Variants in PCDHA1 observed in about 807,000 individuals in gnomAD.
PCDHA1 encodes the protein protocadherin alpha 1.
PCDHA1 carries 42 observed loss-of-function variants against 61.3 expected under a neutral mutation model. The ratio of observed to expected loss-of-function variants is 0.69; its 90% CI spans 0.54 to 0.89. The LOEUF (loss-of-function observed/expected upper bound fraction) is 0.89, where lower values mean the gene tolerates loss of function less well. Ranked by LOEUF, PCDHA1 falls within the 40% of genes least tolerant of loss-of-function variation. The probability of loss-of-function intolerance (pLI) is 0.00; values close to 1 mark genes in which losing one functional copy is unlikely to be tolerated. For missense variants in PCDHA1, 1,256 were observed against 1,235.3 expected, an observed-to-expected ratio of 1.02 and a Z score of -0.25; for synonymous variants, 610 against 553.8, an observed-to-expected ratio of 1.10 and a Z score of -1.43.
rs529585383 is a variant in PCDHA1 at position 140,982,571 on chromosome 5, G to T, written c.2542+8G>T. 243 of 1,613,888 alleles carry T rather than the reference G, an allele frequency of 1.5e-4. 4 individuals carry two copies. The South Asian group carries it at 2.5e-3, about 17-fold the overall frequency. ...TATCCAGTGCAACACCAGGTAAAGAGCTGGGGTCTCTCCATTCTTTCTTGG... is the reference window on the plus strand; with the variant it reads ...TATCCAGTGCAACACCAGGTAAAGATCTGGGGTCTCTCCATTCTTTCTTGG... On this transcript the variant is annotated splice_region_variant and intron_variant, in intron 3 of 3. Transcript: ENST00000504120.
chr5:140,793,787 G>T (rs559090365), intron 1 of PCDHA1, among the ~76,000 whole-genome samples: 8 of 152,140 alleles, frequency 5.3e-5, no homozygotes, highest in Non-Finnish European at 8.8e-5. Context: ...GAGATCGATT[G>T]TATTGTTCTT....
At chr5:140,996,884 A>T (rs1411027110) in intron 3 of PCDHA1, among the ~76,000 whole-genome samples, 1 of 152,186 alleles carries the variant, frequency 6.6e-6, no homozygotes, top group African/African-American at 2.4e-5. Flanking sequence ...TGTATTTTTA[A>T]ATAAAATAGA....
At chr5:140,875,685 C>G (rs563250653) in intron 1 of PCDHA1, 1 of 1,613,816 alleles carries the variant, frequency 6.2e-7, no homozygotes. Context: ...CCAAAAGACA[C>G]GGGGACCTTC....
chr5:140,973,329 G>A (rs1303671094), intron 1 of PCDHA1, among the ~76,000 whole-genome samples: 6 of 152,112 alleles, frequency 3.9e-5, no homozygotes, highest in Non-Finnish European at 7.3e-5. Flanking sequence ...GTTTACACTC[G>A]TTGTAAAGTG....
intron 1 of PCDHA1, chr5:140,929,687 C>T (rs2086294433): frequency 3.5e-6 from 1 of 288,138 alleles, no homozygotes; most frequent in African/African-American, 2.2e-5. Flanking sequence ...ATGTAAGAGT[C>T]TGCTTTATAT....
chr5:140,884,702 T>C (rs1362804646), intron 1 of PCDHA1: 7 of 1,495,380 alleles, frequency 4.7e-6, no homozygotes, highest in East Asian at 4.7e-5. Context: ...GTAAACACTT[T>C]AGCCTTCCTT....
intron 1 of PCDHA1, among the ~76,000 whole-genome samples, chr5:140,938,751 C>A (rs943916265): frequency 6.6e-6 from 1 of 151,978 alleles, no homozygotes; most frequent in Non-Finnish European, 1.5e-5. Flanking sequence ...TTTTTAAAGG[C>A]ATAGTTATTG....
intron 1 of PCDHA1, chr5:140,853,345 C>G: frequency 4.1e-6 from 4 of 982,282 alleles, no homozygotes; most frequent in Middle Eastern, 5.3e-4. Flanking sequence ...CATTAGCAAA[C>G]ATGAACTCAC....
chr5:140,867,395 T>C (rs1319055963), intron 1 of PCDHA1: 1 of 152,176 alleles, frequency 6.6e-6, no homozygotes, highest in Admixed American at 6.5e-5. Context: ...TTATAAAAGT[T>C]GATATGTCTC....
At chr5:140,855,129 T>A (rs1294464792) in intron 1 of PCDHA1, among the ~76,000 whole-genome samples, 1 of 149,788 alleles carries the variant, frequency 6.7e-6, no homozygotes, top group African/African-American at 2.4e-5. Context: ...TAGGTAATAA[T>A]TTTGCCTGAT....
chr5:140,877,501 A>G lies in PCDHA1; in HGVS notation c.2394+88817A>G, dbSNP rs2057165784. On this transcript the variant is annotated intron_variant, in intron 1 of 3. Coordinates refer to ENST00000504120, the MANE Select transcript of PCDHA1 (RefSeq NM_018900.4). ...GCTGGTGGAGAACGGCCAGGCCCCA[A>G]AGACGTCGTCGCGGGCCTCAGTGGG... 3.1e-6 allele frequency: 5 copies of G among 1,613,804 alleles called. No homozygotes were observed. In the East Asian group the frequency reaches 1.1e-4, roughly 36 times the overall value.
intron 1 of PCDHA1, among the ~76,000 whole-genome samples, chr5:140,886,288 A>T (rs1227734409): frequency 6.6e-6 from 1 of 151,870 alleles, no homozygotes; most frequent in Non-Finnish European, 1.5e-5. Flanking sequence ...AATTATTTTT[A>T]TATTTATTTA....
chr5:140,867,218 C>T (rs1306358108), intron 1 of PCDHA1: 1 of 152,104 alleles, frequency 6.6e-6, no homozygotes, highest in Non-Finnish European at 1.5e-5. Context: ...TCTTCATCCC[C>T]AATTCCCATA....
At chr5:140,862,566 T>C (rs1440139064) in intron 1 of PCDHA1, 1 of 478,068 alleles carries the variant, frequency 2.1e-6, no homozygotes, top group Non-Finnish European at 4.3e-6. Context: ...TGAACCACAA[T>C]GCCCTGGCGT....
intron 1 of PCDHA1, chr5:140,870,676 G>T: frequency 6.2e-7 from 1 of 1,612,702 alleles, no homozygotes. Flanking sequence ...GTTGGACCAC[G>T]AGGAGCTGGA....
chr5:140,807,729 A>C (rs1554124228), intron 1 of PCDHA1: 7 of 1,614,208 alleles, frequency 4.3e-6, no homozygotes, highest in Non-Finnish European at 5.9e-6. Context: ...TTTTCTCTGG[A>C]AAAACCACCT....
chr5:140,850,493 G>T, intron 1 of PCDHA1: 4 of 1,598,102 alleles, frequency 2.5e-6, no homozygotes, highest in African/African-American at 1.3e-5. Flanking sequence ...CCACTGTGCT[G>T]GTGTCGCTGG....
intron 1 of PCDHA1, among the ~76,000 whole-genome samples, chr5:140,887,136 G>A (rs1460345753): frequency 2.2e-4 from 33 of 148,834 alleles, no homozygotes; most frequent in Middle Eastern, 3.2e-3. Context: ...TCACTCTGTC[G>A]CCCAGGCTGG....
chr5:140,885,945 TA>T (rs2060787135), intron 1 of PCDHA1, among the ~76,000 whole-genome samples: 1 of 152,206 alleles, frequency 6.6e-6, no homozygotes, highest in Non-Finnish European at 1.5e-5. Flanking sequence ...TTGACATTTT[TA>T]ATTAAAATTT....
Sources: allele counts gnomAD v4.1 joint callset (sites outside exome capture counted in the v4.1 genomes callset), GRCh38; gene constraint gnomAD v4.1.1; transcripts MANE v1.5; gene names NCBI Gene and HGNC (gene_info 2026-07-23, HGNC 2026-07-21).